PALM2AKAP2: variants seen among roughly 807,000 people sequenced by gnomAD.
The protein encoded by PALM2AKAP2 is PALM2 and AKAP2 fusion, also known as PALM2-AKAP2 fusion protein.
A neutral mutation model predicts 71.5 loss-of-function variants in PALM2AKAP2; 37 were observed. The ratio of observed to expected loss-of-function variants is 0.52; its 90% CI spans 0.40 to 0.68. The LOEUF is 0.68. PALM2AKAP2 is among the 30% of genes least tolerant of loss of function. The pLI is 0.00. For missense variants in PALM2AKAP2, 1,224 were observed against 1,191.8 expected, an observed-to-expected ratio of 1.03 and a Z score of -0.40; for synonymous variants, 468 against 478.8, an observed-to-expected ratio of 0.98 and a Z score of 0.29.
At chr9:109,876,210 C>T (rs1829718036) in intron 2 of PALM2AKAP2, among the ~76,000 whole-genome samples, 1 of 152,076 alleles carries the variant, frequency 6.6e-6, no homozygotes, top group South Asian at 2.1e-4. Flanking sequence ...ACTGAGGCAG[C>T]CAATACAAGC....
chr9:109,916,726 G>A (rs1467044611), intron 3 of PALM2AKAP2, among the ~76,000 whole-genome samples: 1 of 152,172 alleles, frequency 6.6e-6, no homozygotes, highest in African/African-American at 2.4e-5. Context: ...TCACAACAGA[G>A]GCTTAAGCCC....
chr9:110,048,849 C>T, exon 1 of PALM2AKAP2: 1 of 1,511,292 alleles, frequency 6.6e-7, no homozygotes, highest in Non-Finnish European at 8.8e-7. Context: ...GGAGCGGGCG[C>T]CCAGAGGTGG....
At chr9:109,906,798 A>C (rs1180224979) in intron 3 of PALM2AKAP2, among the ~76,000 whole-genome samples, 2 of 152,216 alleles carry the variant, frequency 1.3e-5, no homozygotes, top group African/African-American at 4.8e-5. Context: ...ACTGACTTAA[A>C]GCAAACACAT....
chr9:109,884,560 T>A (rs564015291), intron 3 of PALM2AKAP2, among the ~76,000 whole-genome samples: 12 of 152,224 alleles, frequency 7.9e-5, no homozygotes, highest in Non-Finnish European at 2.9e-5. Flanking sequence ...GACTTCAAGA[T>A]CAAATTTGCG....
intron 1 of PALM2AKAP2, among the ~76,000 whole-genome samples, chr9:109,718,965 G>C (rs1394548125): frequency 6.6e-6 from 1 of 151,984 alleles, no homozygotes; most frequent in Non-Finnish European, 1.5e-5. Flanking sequence ...TACTTCTAGA[G>C]TTGAAACAGA....
chr9:110,130,055 C>A (rs1431675736), intron 1 of PALM2AKAP2, among the ~76,000 whole-genome samples: 2 of 152,048 alleles, frequency 1.3e-5, no homozygotes, highest in East Asian at 1.9e-4. Context: ...TTCTTGATTT[C>A]TTTTCTTCTA....
At chr9:109,997,722 G>A (rs13290013) in intron 6 of PALM2AKAP2, among the ~76,000 whole-genome samples, 45,554 of 152,048 alleles carry the variant, frequency 0.3, 8,486 homozygotes, top group Non-Finnish European at 0.43. Context: ...TTTGGAGGCC[G>A]CAGGGCCTGG....
At chr9:109,910,549 G>A (rs1299230944) in intron 3 of PALM2AKAP2, among the ~76,000 whole-genome samples, 1 of 152,208 alleles carries the variant, frequency 6.6e-6, no homozygotes, top group Non-Finnish European at 1.5e-5. Context: ...ATGGCGTCAT[G>A]GTCTCTTCAT....
rs550606122 is a variant in PALM2AKAP2 at position 109,797,023 on chromosome 9, C to T, written c.45+16490C>T. ...GGGTACCCTAAATTCTGTCTTATCC[C>T]CAAACGCCCTGAATTCTCACTTCTT... On this transcript the variant is annotated intron_variant, in intron 1 of 9. Coordinates refer to the PALM2AKAP2 transcript ENST00000302798. Among the ~76,000 whole-genome samples the T allele has an allele frequency of 2.0e-5, 3 of 152,280 alleles. No homozygotes were observed. The South Asian group carries it at 6.2e-4, about 32-fold the overall frequency.
At chr9:109,846,310 G>A (rs1828857288) in intron 1 of PALM2AKAP2, among the ~76,000 whole-genome samples, 1 of 152,144 alleles carries the variant, frequency 6.6e-6, no homozygotes, top group Non-Finnish European at 1.5e-5. Context: ...CAAGAGAAAG[G>A]GAGGTGGGTG....
chr9:109,836,951 C>T (rs997544488), intron 1 of PALM2AKAP2, among the ~76,000 whole-genome samples: 2 of 152,240 alleles, frequency 1.3e-5, no homozygotes, highest in South Asian at 4.1e-4. Flanking sequence ...TTGGAAAACA[C>T]TCTGCAGGAT....
chr9:109,873,004 A>G (rs1257058805), intron 2 of PALM2AKAP2, among the ~76,000 whole-genome samples: 3 of 152,234 alleles, frequency 2.0e-5, no homozygotes, highest in Non-Finnish European at 4.4e-5. Flanking sequence ...AGCATATAAC[A>G]AAATCTCAAA....
rs1474576708 is a variant in PALM2AKAP2 at position 110,089,817 on chromosome 9, C to T, written c.156+40962C>T. ...TGTAAACAGTGTCCAGTGACTCTTC[C>T]TTATCGTGGAGAGCCAGCAGCCTTT... On this transcript the variant is annotated intron_variant, in intron 1 of 3. Transcript: ENST00000374525. Among the ~76,000 whole-genome samples the T allele has an allele frequency of 2.6e-5, 4 of 152,148 alleles. No homozygotes were observed. In the East Asian group the frequency reaches 7.7e-4, roughly 29 times the overall value.
exon 2 of PALM2AKAP2, chr9:110,137,244 C>T (rs1310954099): frequency 6.2e-7 from 1 of 1,614,136 alleles, no homozygotes; most frequent in East Asian, 2.2e-5. Flanking sequence ...ATGGAGAATT[C>T]CAGGCAAGCG....
At chr9:109,930,964 G>A (rs1043461108) in intron 5 of PALM2AKAP2, among the ~76,000 whole-genome samples, 2 of 152,218 alleles carry the variant, frequency 1.3e-5, no homozygotes, top group African/African-American at 4.8e-5. Context: ...GGGATATTCA[G>A]TATAGACCTA....
intron 7 of PALM2AKAP2, among the ~76,000 whole-genome samples, chr9:110,031,369 A>G (rs1833273979): frequency 6.6e-6 from 1 of 152,094 alleles, no homozygotes; most frequent in African/African-American, 2.4e-5. Flanking sequence ...ACCTCAACTG[A>G]TCCGCCCACC....
intron 3 of PALM2AKAP2, among the ~76,000 whole-genome samples, 177 bp downstream of exon 10, chr9:110,162,309 T>A (rs1587878938): frequency 6.6e-6 from 1 of 152,206 alleles, no homozygotes; most frequent in East Asian, 1.9e-4. Flanking sequence ...TTGGAGTCCA[T>A]GCAACAGTGA....
intron 6 of PALM2AKAP2, among the ~76,000 whole-genome samples, chr9:109,933,166 T>C (rs770755122): frequency 1.3e-5 from 2 of 152,208 alleles, no homozygotes; most frequent in African/African-American, 2.4e-5. Context: ...CCAGAGCCAG[T>C]TCCACATCTT....
chr9:109,704,545 C>T (rs1246576297), intron 1 of PALM2AKAP2, among the ~76,000 whole-genome samples: 1 of 152,168 alleles, frequency 6.6e-6, no homozygotes, highest in Non-Finnish European at 1.5e-5. Context: ...TTTCCACCCT[C>T]ACAGATTTTA....
Sources: gnomAD v4.1 joint callset for allele counts (sites outside exome capture counted in the v4.1 genomes callset) on GRCh38, gnomAD v4.1.1 for gene constraint, MANE v1.5 for transcripts, NCBI Gene and HGNC (gene_info 2026-07-23, HGNC 2026-07-21) for gene names.